NSMCE2: variants seen among roughly 807,000 people sequenced by gnomAD.
The protein encoded by NSMCE2 is NSE2 SUMO ligase component of SMC5/6 complex, also known as E3 SUMO-protein ligase NSE2.
A neutral mutation model predicts 23.8 loss-of-function variants in NSMCE2; 24 were observed. The observed-to-expected ratio is 1.01, with a 90% CI of 0.73 to 1.42. NSMCE2 has a LOEUF of 1.42. Ranked by LOEUF, NSMCE2 falls within the 40% of genes most tolerant of loss-of-function variation. The pLI is 0.00. For synonymous variants in NSMCE2, 92 were observed against 94.1 expected (o/e 0.98, Z 0.13); for missense variants, 284 against 296.5 (o/e 0.96, Z 0.31).
intron 3 of NSMCE2, among the ~76,000 whole-genome samples, chr8:125,125,124 G>C (rs1819450767): frequency 6.6e-6 from 1 of 151,722 alleles, no homozygotes; most frequent in Non-Finnish European, 1.5e-5. Flanking sequence ...ATCTGTGAAT[G>C]GAGATAGTTT....
chr8:125,338,645 A>G (rs78973660), intron 5 of NSMCE2, among the ~76,000 whole-genome samples: 15,522 of 152,268 alleles, frequency 0.1, 870 homozygotes, highest in Non-Finnish European at 0.13. Context: ...ACATCATGCA[A>G]GATGAAAGCC....
In NSMCE2 at chr8:125,297,527, C is replaced by T. The variant is rs1332802194; in HGVS notation, c.419-59692C>T. ...TAGCTCTTCCTTCTGGAATGAGACA[C>T]AGTAAAAACTAGGGTGAAATCTCTT... On this transcript the variant is annotated intron_variant, in intron 5 of 7. Transcript: ENST00000287437. Among the ~76,000 whole-genome samples the T allele has an allele frequency of 2.6e-5, 4 of 152,092 alleles. No individual in the cohort carries two copies. The East Asian group carries it at 7.7e-4, about 29-fold the overall frequency.
intron 3 of NSMCE2, among the ~76,000 whole-genome samples, chr8:125,135,539 T>A (rs928671686): frequency 6.6e-6 from 1 of 152,200 alleles, no homozygotes; most frequent in African/African-American, 2.4e-5. Flanking sequence ...AGTCTGTGAT[T>A]CTTTCTGACT....
intron 5 of NSMCE2, among the ~76,000 whole-genome samples, chr8:125,226,049 T>C (rs1825077407): frequency 6.6e-6 from 1 of 152,204 alleles, no homozygotes; most frequent in Non-Finnish European, 1.5e-5. Flanking sequence ...TTGATTAAAT[T>C]CAACCTTTAT....
intron 5 of NSMCE2, among the ~76,000 whole-genome samples, chr8:125,256,908 G>C (rs1826447078): frequency 1.1e-5 from 1 of 89,854 alleles, no homozygotes; most frequent in African/African-American, 4.2e-5. Flanking sequence ...GGGCGACAAA[G>C]CAAGACTCTG....
At chr8:125,194,253 C>T (rs1823497724) in intron 5 of NSMCE2, among the ~76,000 whole-genome samples, 1 of 152,024 alleles carries the variant, frequency 6.6e-6, no homozygotes, top group Non-Finnish European at 1.5e-5. Context: ...GTAGTTGACT[C>T]CTCCCCCCAT....
intron 4 of NSMCE2, among the ~76,000 whole-genome samples, chr8:125,154,751 A>G (rs749548273): frequency 3.3e-5 from 5 of 152,224 alleles, no homozygotes; most frequent in Non-Finnish European, 5.9e-5. Flanking sequence ...TTTTAGAGCT[A>G]TAAGACAGTA....
At chr8:125,246,391 T>C (rs1586665638) in intron 5 of NSMCE2, among the ~76,000 whole-genome samples, 5 of 152,066 alleles carry the variant, frequency 3.3e-5, no homozygotes, top group African/African-American at 9.6e-5. Flanking sequence ...ACCATGTTGG[T>C]CCAGCTGCTC....
chr8:125,343,161 T>C (rs12541675), intron 5 of NSMCE2, among the ~76,000 whole-genome samples: 13,952 of 152,190 alleles, frequency 0.092, 730 homozygotes, highest in South Asian at 0.16. Flanking sequence ...GGCGACATAT[T>C]TGATTAGATT....
intron 4 of NSMCE2, among the ~76,000 whole-genome samples, chr8:125,158,999 G>A (rs1178586060): frequency 6.6e-6 from 1 of 152,146 alleles, no homozygotes; most frequent in African/African-American, 2.4e-5. Flanking sequence ...TTATTAAACA[G>A]GAAATTACAG....
intron 5 of NSMCE2, among the ~76,000 whole-genome samples, chr8:125,198,019 A>G (rs1395325304): frequency 6.6e-6 from 1 of 152,126 alleles, no homozygotes; most frequent in Middle Eastern, 3.2e-3. Context: ...AACGCTTGTG[A>G]TTTTTGCACA....
At chr8:125,213,452 T>G (rs1245208111) in intron 5 of NSMCE2, among the ~76,000 whole-genome samples, 1 of 151,828 alleles carries the variant, frequency 6.6e-6, no homozygotes, top group African/African-American at 2.4e-5. Flanking sequence ...TCAAATTTAG[T>G]GTATTAAATG....
intron 5 of NSMCE2, among the ~76,000 whole-genome samples, chr8:125,281,073 T>C (rs1459821656): frequency 1.3e-5 from 2 of 152,204 alleles, no homozygotes; most frequent in Admixed American, 1.3e-4. Flanking sequence ...TCTACAACTT[T>C]TGTGACAGTT....
intron 3 of NSMCE2, among the ~76,000 whole-genome samples, chr8:125,118,577 G>T (rs1819130625): frequency 6.6e-6 from 1 of 152,204 alleles, no homozygotes; most frequent in Non-Finnish European, 1.5e-5. Context: ...CACTTCTTAT[G>T]AAGTAGCTAT....
intron 5 of NSMCE2, among the ~76,000 whole-genome samples, chr8:125,310,333 C>T (rs1285351830): frequency 6.6e-6 from 1 of 151,754 alleles, no homozygotes; most frequent in African/African-American, 2.4e-5. Context: ...TTTTTTTAAT[C>T]CCTGAAATGG....
intron 5 of NSMCE2, among the ~76,000 whole-genome samples, chr8:125,246,409 C>T (rs753596320): frequency 6.6e-6 from 1 of 152,084 alleles, no homozygotes; most frequent in Non-Finnish European, 1.5e-5. Flanking sequence ...CTCTCGATCT[C>T]CTGACCTTGT....
chr8:125,192,361 G>A (rs1244094618), intron 5 of NSMCE2, among the ~76,000 whole-genome samples: 1 of 149,310 alleles, frequency 6.7e-6, no homozygotes. Flanking sequence ...AGTTTAAGTA[G>A]AATTTTGGCA....
intron 3 of NSMCE2, among the ~76,000 whole-genome samples, chr8:125,141,266 C>G (rs1166955061): frequency 1.3e-5 from 2 of 152,194 alleles, no homozygotes; most frequent in East Asian, 3.8e-4. Context: ...CAATCAGTCT[C>G]TCTTTCATTT....
At chr8:125,155,909 G>A (rs910441934) in intron 4 of NSMCE2, 2 of 439,754 alleles carry the variant, frequency 4.5e-6, no homozygotes, top group South Asian at 3.2e-5. Context: ...GGAAAATGAT[G>A]GGAATGTAGC....
Sources: gnomAD v4.1 joint callset for allele counts (sites outside exome capture counted in the v4.1 genomes callset) on GRCh38, gnomAD v4.1.1 for gene constraint, MANE v1.5 for transcripts, NCBI Gene and HGNC (gene_info 2026-07-23, HGNC 2026-07-21) for gene names.